ANK3: variants seen among roughly 807,000 people sequenced by gnomAD.
ANK3 encodes the protein ankyrin-3.
In ANK3, 57 loss-of-function variants were observed where a neutral mutation model predicts 370.9. The observed-to-expected ratio is 0.15, with a 90% confidence interval of 0.12 to 0.19. ANK3 has a LOEUF of 0.19. Among genes scored for constraint, ANK3 ranks in the 10% least tolerant of loss-of-function variants. The pLI is 1.00. For missense variants in ANK3, 4,439 were observed against 5,302.1 expected (o/e 0.84, Z 5.06); for synonymous variants, 1,929 against 1,946.3 (o/e 0.99, Z 0.23).
Position 60,348,362 on chromosome 10 carries a change from A to AC in ANK3, c.114+41062_114+41063insG, listed in dbSNP as rs1355352451. 1.1e-4 allele frequency among the ~76,000 whole-genome samples: 13 copies of AC among 114,072 alleles called. 1 individual carries two copies. In the South Asian group the frequency reaches 1.3e-3, roughly 12 times the overall value. The allele number at this position is 114,072 out of a possible 152,430, so 74.8% of individuals were successfully genotyped here. A position where few individuals can be genotyped will look rare whatever the true frequency, so the allele number is the denominator to read the frequency against. ...TATCACTAGCCAAAAAAAAAAAAAA[A>AC]AAAAAAAACACAAAAAACAAAAAAA... On this transcript the variant is annotated intron_variant, in intron 1 of 43. Coordinates refer to ENST00000280772, the MANE Select transcript of ANK3 (RefSeq NM_020987.5).
At chr10:60,099,043 G>A (rs1343134380) in intron 28 of ANK3, among the ~76,000 whole-genome samples, 1 of 151,976 alleles carries the variant, frequency 6.6e-6, no homozygotes, top group Non-Finnish European at 1.5e-5. Flanking sequence ...TAAAAATCAG[G>A]GACAAATGTG....
At chr10:60,514,723 C>A (rs763884173) in intron 2 of ANK3, among the ~76,000 whole-genome samples, 3 of 151,998 alleles carry the variant, frequency 2.0e-5, no homozygotes, top group Admixed American at 6.6e-5. Flanking sequence ...CTTTCTTCTT[C>A]GAGATTGGCA....
At position 60,648,184 on chromosome 10, in the gene ANK3, G is replaced by A. The variant is rs866008587; in HGVS notation, c.58-32960C>T. Among the ~76,000 whole-genome samples, 5 of 107,888 alleles carry A rather than the reference G, an allele frequency of 4.6e-5. No homozygotes were observed. The South Asian group carries it at 1.2e-3, about 26-fold the overall frequency. 70.8% of individuals were successfully genotyped at this position (107,888 alleles called of 152,430 possible). Reference sequence around the variant, plus strand: ...TTTTTTTTTTTTGAGATGGAGTCTCGCACTGTCTCCCAGGCTGGAGTGCCA... The same window carrying A: ...TTTTTTTTTTTTGAGATGGAGTCTCACACTGTCTCCCAGGCTGGAGTGCCA... On this transcript the variant is annotated intron_variant, in intron 1 of 43. Transcript: ENST00000373827.
chr10:60,412,089 T>C (rs1025296373), intron 2 of ANK3, among the ~76,000 whole-genome samples: 1 of 152,128 alleles, frequency 6.6e-6, no homozygotes, highest in African/African-American at 2.4e-5. Flanking sequence ...CAATGGCTGC[T>C]GGTTAGGAAG....
intron 5 of ANK3, among the ~76,000 whole-genome samples, chr10:60,266,334 G>A (rs1410741765): frequency 6.6e-6 from 1 of 152,078 alleles, no homozygotes; most frequent in East Asian, 1.9e-4. Context: ...TATCTCTAGG[G>A]AAAATTAACA....
intron 43 of ANK3, among the ~76,000 whole-genome samples, chr10:60,034,679 T>C (rs1258923245): frequency 1.3e-5 from 2 of 152,184 alleles, no homozygotes; most frequent in African/African-American, 4.8e-5. Context: ...AGTTCAACTC[T>C]TACTCATCTT....
At chr10:60,513,115 G>A (rs530878099) in intron 2 of ANK3, among the ~76,000 whole-genome samples, 20 of 152,090 alleles carry the variant, frequency 1.3e-4, no homozygotes, top group South Asian at 8.3e-4. Flanking sequence ...TCTAAACTAC[G>A]TGTCTTCCTC....
At chr10:60,240,809 C>A (rs527633450) in intron 7 of ANK3, among the ~76,000 whole-genome samples, 1 of 152,280 alleles carries the variant, frequency 6.6e-6, no homozygotes, top group South Asian at 2.1e-4. Flanking sequence ...CCAGGCTGGT[C>A]TTGAACTTCT....
chr10:60,544,500 C>T (rs758265566), intron 2 of ANK3, among the ~76,000 whole-genome samples: 1 of 152,086 alleles, frequency 6.6e-6, no homozygotes, highest in Non-Finnish European at 1.5e-5. Context: ...TATTTAATCA[C>T]CATTAATAAC....
At chr10:60,375,313 A>G (rs912407724) in intron 1 of ANK3, among the ~76,000 whole-genome samples, 1 of 152,180 alleles carries the variant, frequency 6.6e-6, no homozygotes, top group African/African-American at 2.4e-5. Flanking sequence ...AAACCCAACA[A>G]TTCATGGTTT....
intron 1 of ANK3, among the ~76,000 whole-genome samples, chr10:60,363,980 T>TTG (rs1250234509): frequency 5.2e-4 from 76 of 146,804 alleles, no homozygotes; most frequent in Admixed American, 9.5e-4. Flanking sequence ...GTTTTTTTTT[T>TTG]TTTTTTTTTT....
intron 28 of ANK3, among the ~76,000 whole-genome samples, chr10:60,095,674 G>A (rs989092514): frequency 3.3e-5 from 5 of 152,112 alleles, no homozygotes; most frequent in Non-Finnish European, 5.9e-5. Flanking sequence ...GAGCCGCTGT[G>A]CCTGGCCTAG....
rs79425903 is a variant in ANK3, at chr10:60,171,170, G to A, written c.2478+1138C>T. Among the ~76,000 whole-genome samples the A allele has an allele frequency of 9.7e-4, 148 of 152,274 alleles. 1 individual carries two copies. The Middle Eastern group carries it at 0.017, about 17-fold the overall frequency. On this transcript the variant is annotated intron_variant, in intron 21 of 43. Transcript: ENST00000280772. ...AAGAGGTGTATGAAAGCAACATGTG[G>A]AAATTTCTCTCTTAGACAAAGTATA...
At chr10:60,428,936 G>T (rs373144633) in intron 2 of ANK3, among the ~76,000 whole-genome samples, 8 of 152,296 alleles carry the variant, frequency 5.3e-5, no homozygotes, top group African/African-American at 1.9e-4. Flanking sequence ...ATGATTTCCT[G>T]TCAAATCTTC....
chr10:60,643,506 AT>A lies in ANK3; in HGVS notation c.58-28283del, dbSNP rs1450493777. Among the ~76,000 whole-genome samples the A allele has an allele frequency of 1.0e-3, 61 of 59,638 alleles. 1 individual carries two copies. Among genetic ancestry groups the A allele is most frequent in the South Asian group, 3.5e-3 (8 of 2,278 alleles). The allele number at this position is 59,638 out of a possible 152,430, so 39.1% of individuals were successfully genotyped here. Reference sequence around the variant, plus strand: ...ACTTAATAAACTCCCCTTTATATCTATCTATCTATCTATCTATCTATCTATC... The same window carrying A: ...ACTTAATAAACTCCCCTTTATATCTACTATCTATCTATCTATCTATCTATC... On this transcript the variant is annotated intron_variant, in intron 1 of 43. Coordinates refer to the ANK3 transcript ENST00000373827.
chr10:60,676,101 ATTTAAT>A lies in ANK3; in HGVS notation c.57+57156_57+57161del, dbSNP rs374855300. On this transcript the variant is annotated intron_variant, in intron 1 of 43. Coordinates refer to the ANK3 transcript ENST00000373827. ...AATTATGACTACCTCAAAAAGGCTT[ATTTAAT>A]TTTAAGATAGAACACCATAAAACAG... 3.1e-3 allele frequency among the ~76,000 whole-genome samples: 476 copies of A among 152,280 alleles called. 4 individuals carry two copies. The highest frequency in any genetic ancestry group is 0.011 in the African/African-American group (451 of 41,568).
intron 1 of ANK3, among the ~76,000 whole-genome samples, chr10:60,690,631 T>G (rs113687164): frequency 2.0e-5 from 3 of 152,300 alleles, no homozygotes; most frequent in African/African-American, 7.2e-5. Flanking sequence ...GCTTCAGCAT[T>G]TTTAAAATAT....
chr10:60,380,218 A>G (rs2061377524), intron 1 of ANK3, among the ~76,000 whole-genome samples: 1 of 152,164 alleles, frequency 6.6e-6, no homozygotes, highest in East Asian at 1.9e-4. Context: ...TACTATCTAC[A>G]TCCCGTTCTG....
rs1158824241 is a variant in ANK3, at chr10:60,292,760, T to G, written c.115-13121A>C. Reference sequence around the variant, plus strand: ...GTCTCACTCTGTTGCCAGGCCAGAATGCAGTTGTGCAATCTCAGCTCACTG... The same window carrying G: ...GTCTCACTCTGTTGCCAGGCCAGAAGGCAGTTGTGCAATCTCAGCTCACTG... On this transcript the variant is annotated intron_variant, in intron 1 of 43. Coordinates refer to ENST00000280772, the MANE Select transcript of ANK3 (RefSeq NM_020987.5). Among the ~76,000 whole-genome samples the G allele has an allele frequency of 3.5e-4, 53 of 149,386 alleles. 1 individual carries two copies. The highest frequency in any genetic ancestry group is 3.0e-5 in the Non-Finnish European group (2 of 67,702).
Sources: allele counts gnomAD v4.1 joint callset (sites outside exome capture counted in the v4.1 genomes callset), GRCh38; gene constraint gnomAD v4.1.1; transcripts MANE v1.5; gene names NCBI Gene and HGNC (gene_info 2026-07-23, HGNC 2026-07-21).